Variants in ST3GAL6 observed in about 807,000 individuals in gnomAD.
The protein encoded by ST3GAL6 is type 2 lactosamine alpha-2,3-sialyltransferase.
Under a neutral mutation model 40.5 loss-of-function variants are expected in ST3GAL6, and 31 were observed. The observed-to-expected ratio is 0.77, with a 90% confidence interval of 0.58 to 1.03. ST3GAL6 has a LOEUF of 1.03. Ranked by LOEUF, ST3GAL6 falls within the 50% of genes least tolerant of loss-of-function variation. The probability of loss-of-function intolerance (pLI) is 0.00; values close to 1 mark genes in which losing one functional copy is unlikely to be tolerated. For synonymous variants in ST3GAL6, 129 were observed against 136.9 expected (o/e 0.94, Z 0.40); for missense variants, 357 against 393.2 (o/e 0.91, Z 0.78).
At chr3:98,772,788 A>G (rs1051745667) in intron 3 of ST3GAL6, 25 bp from the exon 4 acceptor site, 19 of 1,576,482 alleles carry the variant, frequency 1.2e-5, no homozygotes, top group Non-Finnish European at 1.4e-5. Context: ...ATTTGGCAAA[A>G]TCATTCTTTA....
At chr3:98,787,651 A>C (rs1216454607) in intron 6 of ST3GAL6, among the ~76,000 whole-genome samples, 1 of 152,216 alleles carries the variant, frequency 6.6e-6, no homozygotes, top group African/African-American at 2.4e-5. Flanking sequence ...CATGTGCTAC[A>C]TGACTGTGTG....
chr3:98,774,196 G>A lies in ST3GAL6; in HGVS notation c.335+213G>A, dbSNP rs191765502. Reference sequence around the variant, plus strand: ...TTGGCTCAAAAGTTTGCAGAATCTTGATGATGATCAACACTGGTCCCAAAT... The same window carrying A: ...TTGGCTCAAAAGTTTGCAGAATCTTAATGATGATCAACACTGGTCCCAAAT... On this transcript the variant is annotated intron_variant, in intron 5 of 9. Coordinates refer to ENST00000483910, the MANE Select transcript of ST3GAL6 (RefSeq NM_001323368.2). Among the ~76,000 whole-genome samples, 10 of 152,284 alleles carry A rather than the reference G, an allele frequency of 6.6e-5. No homozygotes were observed. The South Asian group carries it at 1.0e-3, about 16-fold the overall frequency.
At chr3:98,760,280 C>T (rs1216390105), upstream of ST3GAL6, among the ~76,000 whole-genome samples, 1 of 152,174 alleles carries the variant, frequency 6.6e-6, no homozygotes, top group Non-Finnish European at 1.5e-5. Flanking sequence ...TGGGGTTTGC[C>T]AAAATCCACT....
upstream of ST3GAL6, among the ~76,000 whole-genome samples, chr3:98,761,611 A>T (rs1163101756): frequency 1.9e-5 from 1 of 52,452 alleles, no homozygotes; most frequent in Non-Finnish European, 4.4e-5. Flanking sequence ...CTCCATCTCA[A>T]AAAAAAAAAA....
chr3:98,742,623 A>G (rs762102780), intron 1 of ST3GAL6, among the ~76,000 whole-genome samples: 4 of 152,194 alleles, frequency 2.6e-5, no homozygotes, highest in Admixed American at 1.3e-4. Flanking sequence ...GGATTTGCCT[A>G]TAGAAGTTGC....
At chr3:98,742,587 C>T (rs72930992) in intron 1 of ST3GAL6, among the ~76,000 whole-genome samples, 133 of 152,308 alleles carry the variant, frequency 8.7e-4, no homozygotes, top group African/African-American at 3.2e-3. Flanking sequence ...CCATGCTTAC[C>T]AAACAACTTT....
At chr3:98,762,865 T>C, upstream of ST3GAL6, 1 of 985,430 alleles carries the variant, frequency 1.0e-6, no homozygotes, top group African/African-American at 1.7e-5. Flanking sequence ...TTCATCCTTA[T>C]GTGAAAAAGG....
rs548386763 is a variant in ST3GAL6, at chr3:98,747,303, C to T, written c.-12+14771C>T. Among the ~76,000 whole-genome samples, 106 of 152,314 alleles carry T rather than the reference C, an allele frequency of 7.0e-4. 2 individuals are homozygous for T. The highest frequency in any genetic ancestry group is 2.1e-3 in the South Asian group (10 of 4,828). On this transcript the variant is annotated intron_variant, in intron 1 of 9. Transcript: ENST00000265261. ...TTTCAACAGCGTTATTATAGATTCA[C>T]ATAAACTGGAAATCTTTTTCTGTTT...
At chr3:98,733,085 A>ACCCCCCCCC in intron 1 of ST3GAL6, 1 of 1,349,272 alleles carries the variant, frequency 7.4e-7, no homozygotes, top group African/African-American at 1.5e-5. Flanking sequence ...TGCTGCCCCG[A>ACCCCCCCCC]CCCTCCGGCT....
intron 1 of ST3GAL6, among the ~76,000 whole-genome samples, chr3:98,737,752 A>G (rs1935679988): frequency 6.6e-6 from 1 of 152,228 alleles, no homozygotes; most frequent in African/African-American, 2.4e-5. Context: ...CCTATCTCAC[A>G]TTCAATGATA....
chr3:98,753,279 A>G (rs1937166287), intron 1 of ST3GAL6, among the ~76,000 whole-genome samples: 1 of 152,244 alleles, frequency 6.6e-6, no homozygotes, highest in African/African-American at 2.4e-5. Flanking sequence ...CCTGATCCCA[A>G]ACAAGGCTCT....
intron 1 of ST3GAL6, chr3:98,733,456 A>C: frequency 1.0e-6 from 1 of 991,044 alleles, no homozygotes. Context: ...AAGGGTCTGT[A>C]CGCGAGGAGG....
At chr3:98,788,011 A>C (rs1010773700) in intron 6 of ST3GAL6, 25 bp from the exon 7 acceptor site, 4 of 1,600,042 alleles carry the variant, frequency 2.5e-6, no homozygotes. Flanking sequence ...TGGTCTACAT[A>C]TCTTGTATGT....
At chr3:98,790,040 AG>A (rs1187961317) in intron 8 of ST3GAL6, among the ~76,000 whole-genome samples, 1 of 152,216 alleles carries the variant, frequency 6.6e-6, no homozygotes, top group Non-Finnish European at 1.5e-5. Context: ...ACAAGAAAGA[AG>A]GAAAAAGCCT....
intron 1 of ST3GAL6, chr3:98,756,220 A>T: frequency 1.8e-6 from 1 of 542,354 alleles, no homozygotes; most frequent in Non-Finnish European, 2.9e-6. Flanking sequence ...TGTGTTTGGT[A>T]ATTTCATCAT....
chr3:98,771,060 A>G, intron 3 of ST3GAL6, 104 bp downstream of exon 3: 1 of 1,500,520 alleles, frequency 6.7e-7, no homozygotes, highest in African/African-American at 1.4e-5. Flanking sequence ...TTAGCAGTAT[A>G]AAGTGGACAC....
At chr3:98,744,504 G>A (rs895692056) in intron 1 of ST3GAL6, among the ~76,000 whole-genome samples, 1 of 152,070 alleles carries the variant, frequency 6.6e-6, no homozygotes, top group African/African-American at 2.4e-5. Context: ...TGTGCCCTGG[G>A]GGCAGACAAG....
chr3:98,781,828 C>T (rs1940160225), intron 5 of ST3GAL6, among the ~76,000 whole-genome samples: 3 of 152,214 alleles, frequency 2.0e-5, no homozygotes, highest in Admixed American at 6.5e-5. Context: ...CTCATGGGAA[C>T]AGCTGTTATT....
At chr3:98,736,448 C>T (rs150334296) in intron 1 of ST3GAL6, among the ~76,000 whole-genome samples, 1,920 of 152,210 alleles carry the variant, frequency 0.013, 35 homozygotes, top group South Asian at 0.098. Flanking sequence ...GAAGAGGAGA[C>T]GGCAAGGAAG....
Sources: gnomAD v4.1 joint callset for allele counts (sites outside exome capture counted in the v4.1 genomes callset) on GRCh38, gnomAD v4.1.1 for gene constraint, MANE v1.5 for transcripts, NCBI Gene and HGNC (gene_info 2026-07-23, HGNC 2026-07-21) for gene names.